MON2: variants seen among roughly 807,000 people sequenced by gnomAD.
MON2 encodes the protein protein MON2 homolog.
A neutral mutation model predicts 208.6 loss-of-function variants in MON2; 84 were observed. That is an observed-to-expected ratio of 0.40 (90% CI 0.34 to 0.48). The LOEUF (loss-of-function observed/expected upper bound fraction) is 0.48. Among genes scored for constraint, MON2 ranks in the 20% least tolerant of loss-of-function variants. MON2 has a pLI of 0.59. For synonymous variants in MON2, 660 were observed against 694.0 expected, an observed-to-expected ratio of 0.95 and a Z score of 0.77; for missense variants, 1,611 against 2,015.4, an observed-to-expected ratio of 0.80 and a Z score of 3.84.
At chr12:62,590,162 C>A (rs2075352131) in intron 34 of MON2, among the ~76,000 whole-genome samples, 1 of 152,146 alleles carries the variant, frequency 6.6e-6, no homozygotes, top group African/African-American at 2.4e-5. Flanking sequence ...GTGATCTGTG[C>A]TTACTGCGGC....
At chr12:62,534,518 C>CAA (rs869145698) in intron 12 of MON2, among the ~76,000 whole-genome samples, 13 of 67,442 alleles carry the variant, frequency 1.9e-4, no homozygotes, top group African/African-American at 2.7e-4. Flanking sequence ...GACTCCATCG[C>CAA]AAAAAAAAAA....
chr12:62,526,650 T>C (rs1302070822), intron 11 of MON2, among the ~76,000 whole-genome samples: 1 of 152,160 alleles, frequency 6.6e-6, no homozygotes, highest in Non-Finnish European at 1.5e-5. Context: ...TTTTAAATTG[T>C]TTGTCATTAG....
rs778092621 is a variant in MON2, at chr12:62,532,520, C to T, written c.1483C>T (p.Leu495Phe). The part of the protein sequence containing the change: ...MSVAFHCLLD[L>F]VRGITSMIEG... The stretch of plus-strand genomic sequence containing the variant: ...TGTGGCATTCCATTGTTTGCTAGAC[C>T]TTGTTCGTGGAATCACAAGTATGAT... Residue 495 changes from leucine to phenylalanine, a missense_variant, in exon 12 of 35, where the codon CTT becomes TTT. Leu to Phe is a conservative substitution (Grantham distance 22). Coordinates refer to ENST00000393630, the MANE Select transcript of MON2 (RefSeq NM_015026.3). 24 of 1,613,840 alleles carry T rather than the reference C, an allele frequency of 1.5e-5. No homozygotes were observed. The highest frequency in any genetic ancestry group is 1.9e-5 in the Non-Finnish European group (22 of 1,179,968).
At chr12:62,550,367 TA>T (rs2073686294) in intron 23 of MON2, among the ~76,000 whole-genome samples, 2 of 151,842 alleles carry the variant, frequency 1.3e-5, no homozygotes, top group Non-Finnish European at 2.9e-5. Flanking sequence ...CCATCTCTAC[TA>T]AAAATTAGCT....
rs141700136 is a variant in MON2 at position 62,533,010 on chromosome 12, G to T, written c.1633+340G>T. 2.0e-5 allele frequency among the ~76,000 whole-genome samples: 3 copies of T among 152,206 alleles called. No homozygotes were observed. In the East Asian group the frequency reaches 5.8e-4, roughly 29 times the overall value. ...TAACTCCAGGTCTCATTCAAATTTT[G>T]CCAGTTGCCCTAGTGATGTCCTTTT... On this transcript the variant is annotated intron_variant, in intron 12 of 34. Transcript: ENST00000393630.
intron 10 of MON2, among the ~76,000 whole-genome samples, chr12:62,525,730 C>T (rs761613795): frequency 2.6e-5 from 4 of 152,110 alleles, no homozygotes; most frequent in Non-Finnish European, 5.9e-5. Flanking sequence ...TTTTACTTCC[C>T]CTAGCAGCTT....
chr12:62,565,466 C>A, intron 27 of MON2, 86 bp downstream of exon 27: 2 of 1,174,618 alleles, frequency 1.7e-6, no homozygotes, highest in Non-Finnish European at 2.4e-6. Context: ...CTTTGATTAT[C>A]TCGGAAAAGG....
intron 30 of MON2, among the ~76,000 whole-genome samples, chr12:62,574,395 G>C (rs930261590): frequency 6.6e-6 from 1 of 151,942 alleles, no homozygotes; most frequent in Non-Finnish European, 1.5e-5. Context: ...TGTTTTTCTT[G>C]AGACAGTGTC....
chr12:62,534,100 A>G (rs540224625), intron 12 of MON2, among the ~76,000 whole-genome samples: 12 of 152,100 alleles, frequency 7.9e-5, no homozygotes, highest in Admixed American at 2.0e-4. Flanking sequence ...AGGGAAAGGA[A>G]AGGATATCAG....
chr12:62,480,946 CCA>C (rs1404294862), intron 1 of MON2, among the ~76,000 whole-genome samples: 1 of 152,146 alleles, frequency 6.6e-6, no homozygotes, highest in African/African-American at 2.4e-5. Context: ...ATTTCAGTGA[CCA>C]CAGATTAATT....
chr12:62,549,377 T>C (rs2073641829), intron 22 of MON2, among the ~76,000 whole-genome samples: 1 of 150,274 alleles, frequency 6.7e-6, no homozygotes, highest in Non-Finnish European at 1.5e-5. Context: ...CGTAGCACTT[T>C]GGGAGGCTAA....
chr12:62,566,218 AC>A, intron 28 of MON2, 103 bp from the exon 29 acceptor site: 1 of 1,442,982 alleles, frequency 6.9e-7, no homozygotes, highest in Non-Finnish European at 9.4e-7. Context: ...CTGACCTAAA[AC>A]CAAGGCCTGA....
At chr12:62,490,158 T>C (rs2070036316) in intron 2 of MON2, 1 of 303,472 alleles carries the variant, frequency 3.3e-6, no homozygotes, top group African/African-American at 2.2e-5. Context: ...TTGTATAATT[T>C]GGAAATACAA....
chr12:62,499,136 C>T, intron 5 of MON2, 88 bp downstream of exon 5: 1 of 1,334,576 alleles, frequency 7.5e-7, no homozygotes, highest in Non-Finnish European at 1.0e-6. Context: ...AGATGATCAA[C>T]ATTATTATGT....
At chr12:62,585,624 C>T in intron 33 of MON2, 123 bp downstream of exon 33, 1 of 719,604 alleles carries the variant, frequency 1.4e-6, no homozygotes, top group Non-Finnish European at 2.2e-6. Context: ...TGTTTATAAT[C>T]TTATTTATCC....
In MON2 at chr12:62,595,600, G is replaced by T. The variant is rs1291492206; in HGVS notation, c.*2851G>T. 6.6e-6 allele frequency: 1 copy of T among 152,126 alleles called. No homozygotes were observed. Among genetic ancestry groups the T allele is most frequent in the Non-Finnish European group, 1.5e-5 (1 of 68,026 alleles). 9.4% of individuals were successfully genotyped at this position (152,126 alleles called of 1,614,324 possible). On this transcript the variant is annotated 3_prime_UTR_variant, in exon 35 of 35. Coordinates refer to ENST00000393630, the MANE Select transcript of MON2 (RefSeq NM_015026.3). Reference sequence around the variant, plus strand: ...CCATTATAAAGGAAATAAACTAATTGTTAACTTGCATAGATTACTTCTTAG... The same window carrying T: ...CCATTATAAAGGAAATAAACTAATTTTTAACTTGCATAGATTACTTCTTAG...
At chr12:62,551,511 C>T (rs1001634288) in intron 23 of MON2, among the ~76,000 whole-genome samples, 3 of 152,058 alleles carry the variant, frequency 2.0e-5, no homozygotes, top group Non-Finnish European at 2.9e-5. Flanking sequence ...CCATAACAGA[C>T]ATAGTAATAA....
chr12:62,499,884 A>T (rs185851399), intron 5 of MON2, among the ~76,000 whole-genome samples: 2,123 of 151,694 alleles, frequency 0.014, 45 homozygotes, highest in African/African-American at 0.045. Flanking sequence ...AAAAAAAAAA[A>T]TTTTTTTTAA....
In MON2 at chr12:62,543,105, T is replaced by G; in HGVS notation, c.2373T>G (p.Ser791=). 6.4e-7 allele frequency: 1 copy of G among 1,556,628 alleles called. No homozygotes were observed. Among genetic ancestry groups the G allele is most frequent in the South Asian group, 1.2e-5 (1 of 81,180 alleles). Reference sequence around the variant, plus strand: ...ATGTATTTTCTCCCTAGGAACCATCTCTTTTTGCTGTTGCCAAATTGTTAG... The same window carrying G: ...ATGTATTTTCTCCCTAGGAACCATCGCTTTTTGCTGTTGCCAAATTGTTAG... ...DMAYGNNKEP[S]LFAVAKLLET... Residue 791 remains serine, a synonymous_variant, in exon 20 of 35, where the codon TCT becomes TCG. Transcript: ENST00000393630.
Sources: gnomAD v4.1 joint callset for allele counts (sites outside exome capture counted in the v4.1 genomes callset) on GRCh38, gnomAD v4.1.1 for gene constraint, MANE v1.5 for transcripts, NCBI Gene and HGNC (gene_info 2026-07-23, HGNC 2026-07-21) for gene names.